CLDN14: variants seen among roughly 807,000 people sequenced by gnomAD.
The protein encoded by CLDN14 is claudin-14.
In CLDN14, 2 loss-of-function variants were observed where a neutral mutation model predicts 2.1. The observed-to-expected ratio is 0.96, with a 90% CI of 0.39 to 3.01. The LOEUF is 3.01. CLDN14 is among the 30% of genes most tolerant of loss of function. The pLI is 0.09. For synonymous variants in CLDN14, 136 were observed against 154.4 expected (o/e 0.88, Z 0.88); for missense variants, 298 against 328.0 (o/e 0.91, Z 0.71).
At chr21:36,472,517 G>T (rs1401032073) in intron 1 of CLDN14, among the ~76,000 whole-genome samples, 1 of 152,194 alleles carries the variant, frequency 6.6e-6, no homozygotes, top group African/African-American at 2.4e-5. Flanking sequence ...TGTGAAGTTA[G>T]TCCTTGGACA....
intron 1 of CLDN14, among the ~76,000 whole-genome samples, chr21:36,513,729 C>T (rs1364263479): frequency 6.6e-6 from 1 of 152,160 alleles, no homozygotes; most frequent in Non-Finnish European, 1.5e-5. Context: ...TGCCCTGGCA[C>T]CTCAGTGGGT....
intron 1 of CLDN14, among the ~76,000 whole-genome samples, chr21:36,570,928 G>T (rs2087705458): frequency 6.6e-6 from 1 of 152,182 alleles, no homozygotes. Context: ...TGCAACCTCT[G>T]CCTCCCCGGT....
chr21:36,538,596 G>C (rs192616281), intron 1 of CLDN14, among the ~76,000 whole-genome samples: 3 of 151,658 alleles, frequency 2.0e-5, no homozygotes, highest in Admixed American at 1.3e-4. Flanking sequence ...CTAGGTGACA[G>C]AGCGAGACAT....
rs141362730 is a variant in CLDN14, at chr21:36,545,401, C to T, written c.-220+31010G>A. On this transcript the variant is annotated intron_variant, in intron 1 of 2. Transcript: ENST00000342108. ...AAATTAGGTATCAGTGCCTAGGCATCGGGAGTGAATGCAGTATTTCTGGAG... is the reference window on the plus strand; with the variant it reads ...AAATTAGGTATCAGTGCCTAGGCATTGGGAGTGAATGCAGTATTTCTGGAG... 1.3e-3 allele frequency among the ~76,000 whole-genome samples: 204 copies of T among 152,176 alleles called. 1 individual carries two copies. The highest frequency in any genetic ancestry group is 4.6e-3 in the African/African-American group (192 of 41,500).
At chr21:36,539,473 ATG>A (rs373807987) in intron 1 of CLDN14, among the ~76,000 whole-genome samples, 995 of 88,670 alleles carry the variant, frequency 0.011, 15 homozygotes, top group African/African-American at 0.041. Flanking sequence ...TGTGGAGTGA[ATG>A]TGTGGGGAAT....
At chr21:36,492,854 C>T (rs945539609) in intron 2 of CLDN14, among the ~76,000 whole-genome samples, 7 of 152,114 alleles carry the variant, frequency 4.6e-5, no homozygotes, top group African/African-American at 7.2e-5. Context: ...TTCAGAGGGT[C>T]GTGGCCCTGC....
At position 36,498,152 on chromosome 21, in the gene CLDN14, C is replaced by A. The variant is rs912741492; in HGVS notation, c.-82+12211G>T. Among the ~76,000 whole-genome samples, 1 of 151,792 alleles carries A rather than the reference C, an allele frequency of 6.6e-6. No homozygotes were observed. The highest frequency in any genetic ancestry group is 1.5e-5 in the Non-Finnish European group (1 of 68,002). On this transcript the variant is annotated intron_variant, in intron 2 of 2. Coordinates refer to the CLDN14 transcript ENST00000342108. This position sits in a 1 kb window ranked among gnomAD's most constrained non-coding sequence, Gnocchi z 4.9. ...AGTAGCTGGGATTACAGGCACCCAC[C>A]ACCATGCCCAGCTAATTTTTGTATT...
intron 1 of CLDN14, among the ~76,000 whole-genome samples, chr21:36,572,241 C>T (rs2087715138): frequency 3.3e-5 from 5 of 152,096 alleles, no homozygotes; most frequent in Admixed American, 3.3e-4. Flanking sequence ...CTGGCGTAAC[C>T]TGAATCTGTG....
intron 1 of CLDN14, among the ~76,000 whole-genome samples, chr21:36,545,401 C>A (rs141362730): frequency 4.1e-4 from 63 of 152,178 alleles, no homozygotes; most frequent in African/African-American, 1.5e-3. Flanking sequence ...GCCTAGGCAT[C>A]GGGAGTGAAT....
intron 1 of CLDN14, among the ~76,000 whole-genome samples, chr21:36,557,085 C>G (rs1417564896): frequency 6.6e-6 from 1 of 152,144 alleles, no homozygotes; most frequent in African/African-American, 2.4e-5. Flanking sequence ...AGCATAATGG[C>G]CTCCAAATTT....
intron 2 of CLDN14, among the ~76,000 whole-genome samples, chr21:36,493,016 G>A (rs1193631379): frequency 6.6e-6 from 1 of 152,240 alleles, no homozygotes; most frequent in Non-Finnish European, 1.5e-5. Flanking sequence ...TCGCAAAGAA[G>A]CATCTCAAAC....
At chr21:36,492,146 A>G (rs912551235) in intron 2 of CLDN14, among the ~76,000 whole-genome samples, 1 of 148,192 alleles carries the variant, frequency 6.7e-6, no homozygotes, top group Non-Finnish European at 1.5e-5. Flanking sequence ...TCTAAAAAAA[A>G]TGCAAGGGCC....
intron 1 of CLDN14, among the ~76,000 whole-genome samples, chr21:36,534,407 C>T (rs1265376192): frequency 6.6e-6 from 1 of 152,140 alleles, no homozygotes; most frequent in Non-Finnish European, 1.5e-5. Flanking sequence ...CCGTGGGAAC[C>T]AGAGCAAGGT....
chr21:36,486,772 A>G, intron 2 of CLDN14: 1 of 819,382 alleles, frequency 1.2e-6, no homozygotes, highest in Non-Finnish European at 2.1e-6. Context: ...GAAGGCAATG[A>G]TATGCGTCTT....
At chr21:36,485,201 C>T (rs961262575) in intron 2 of CLDN14, among the ~76,000 whole-genome samples, 3 of 151,046 alleles carry the variant, frequency 2.0e-5, no homozygotes, top group African/African-American at 7.3e-5. Context: ...TGGAGTGAGA[C>T]TGTGATTTTG....
chr21:36,530,565 A>C (rs1307384061), intron 1 of CLDN14, among the ~76,000 whole-genome samples: 1 of 152,224 alleles, frequency 6.6e-6, no homozygotes, highest in Non-Finnish European at 1.5e-5. Flanking sequence ...AAACTAATAA[A>C]TCTAACAAAG....
At chr21:36,462,732 C>T (rs1477133347) in intron 1 of CLDN14, among the ~76,000 whole-genome samples, 1 of 151,854 alleles carries the variant, frequency 6.6e-6, no homozygotes, top group East Asian at 1.9e-4. Context: ...GAGTTCAAGA[C>T]CAGCCTGGCC....
rs544101575 is a variant in CLDN14, at chr21:36,498,791, G to A, written c.-82+11572C>T. Among the ~76,000 whole-genome samples the A allele has an allele frequency of 1.3e-5, 2 of 152,188 alleles. No individual in the cohort carries two copies. The highest frequency in any genetic ancestry group is 2.9e-5 in the Non-Finnish European group (2 of 68,038). On this transcript the variant is annotated intron_variant, in intron 2 of 2. Coordinates refer to the CLDN14 transcript ENST00000342108. This position sits in a 1 kb window ranked among gnomAD's most constrained non-coding sequence, Gnocchi z 4.9. Reference sequence around the variant, plus strand: ...AGTTCAGGTCTGGGCCCCACTGGCTGCGTCTGCCTGGACACCATCAGCCCT... The same window carrying A: ...AGTTCAGGTCTGGGCCCCACTGGCTACGTCTGCCTGGACACCATCAGCCCT...
chr21:36,543,080 GAT>G (rs1331784496), intron 1 of CLDN14, among the ~76,000 whole-genome samples: 1 of 152,222 alleles, frequency 6.6e-6, no homozygotes, highest in African/African-American at 2.4e-5. Context: ...AATCCCAGCA[GAT>G]TTCAACAACC....
Sources: gnomAD v4.1 joint callset for allele counts (sites outside exome capture counted in the v4.1 genomes callset) on GRCh38, gnomAD v4.1.1 for gene constraint, Gnocchi (gnomAD v3.1) non-coding constraint, MANE v1.5 for transcripts, NCBI Gene and HGNC (gene_info 2026-07-23, HGNC 2026-07-21) for gene names.